Variants in NME8 observed in about 807,000 individuals in gnomAD.
NME8 encodes protein NME8.
NME8 carries 72 observed loss-of-function variants against 82.3 expected under a neutral mutation model. The ratio of observed to expected loss-of-function variants is 0.87; its 90% CI spans 0.72 to 1.06. The LOEUF (loss-of-function observed/expected upper bound fraction) is 1.06. NME8 is among the 50% of genes least tolerant of loss of function. NME8 has a pLI of 0.00. For missense variants in NME8, 712 were observed against 685.4 expected (o/e 1.04, Z -0.43); for synonymous variants, 267 against 228.5 (o/e 1.17, Z -1.52).
intron 11 of NME8, among the ~76,000 whole-genome samples, chr7:37,870,081 C>T (rs1440354055): frequency 6.6e-6 from 1 of 152,096 alleles, no homozygotes; most frequent in East Asian, 1.9e-4. Context: ...TCATCCTTTA[C>T]TGTCCTTCAA....
At chr7:37,865,659 A>G (rs1268887718) in intron 10 of NME8, 42 bp downstream of exon 10, 4 of 1,308,606 alleles carry the variant, frequency 3.1e-6, no homozygotes, top group South Asian at 1.2e-5. Context: ...GTGTTTAAAT[A>G]CAGTGGCCTC....
rs759844751 is a variant in NME8 at position 37,865,655 on chromosome 7, A to G, written c.621+38A>G. 6 of 1,344,340 alleles carry G rather than the reference A, an allele frequency of 4.5e-6. No homozygotes were observed. In the East Asian group the frequency reaches 1.4e-4, roughly 31 times the overall value. 83.3% of individuals were successfully genotyped at this position (1,344,340 alleles called of 1,614,324 possible). On this transcript the variant is annotated intron_variant, in intron 10 of 17. Transcript: ENST00000199447. ...AAAAGAAAAAATCCTCTATGTGTTT[A>G]AATACAGTGGCCTCCATAAGCTTTA...
intron 5 of NME8, among the ~76,000 whole-genome samples, chr7:37,854,199 T>C (rs567900148): frequency 1.3e-5 from 2 of 152,266 alleles, no homozygotes; most frequent in African/African-American, 4.8e-5. Flanking sequence ...TATACTATAT[T>C]CTTGCAATAA....
intron 10 of NME8, among the ~76,000 whole-genome samples, chr7:37,867,425 A>G (rs1393376186): frequency 6.6e-6 from 1 of 152,054 alleles, no homozygotes; most frequent in African/African-American, 2.4e-5. Context: ...TATTTTTCTA[A>G]GGATACAAAT....
At chr7:37,873,726 C>G (rs752740429) in intron 11 of NME8, among the ~76,000 whole-genome samples, 7 of 152,124 alleles carry the variant, frequency 4.6e-5, no homozygotes, top group Non-Finnish European at 8.8e-5. Context: ...ATGTAGAGCA[C>G]CATGTACAGC....
chr7:37,855,828 C>T (rs1784504059), intron 5 of NME8, among the ~76,000 whole-genome samples: 1 of 152,052 alleles, frequency 6.6e-6, no homozygotes, highest in Non-Finnish European at 1.5e-5. Flanking sequence ...TAATCCTGCA[C>T]CTGCATAAAA....
chr7:37,880,812 G>C (rs572745138), intron 12 of NME8, among the ~76,000 whole-genome samples: 11 of 150,804 alleles, frequency 7.3e-5, no homozygotes, highest in Non-Finnish European at 1.6e-4. Flanking sequence ...ATTTTTTTTC[G>C]CCAGAGTTTT....
chr7:37,850,855 T>G, intron 5 of NME8, 120 bp downstream of exon 5: 1 of 707,816 alleles, frequency 1.4e-6, no homozygotes, highest in Non-Finnish European at 2.5e-6. Context: ...AAATAGATAG[T>G]CTTTACTTGG....
At chr7:37,892,602 C>T (rs1241391979) in intron 15 of NME8, among the ~76,000 whole-genome samples, 1 of 151,914 alleles carries the variant, frequency 6.6e-6, no homozygotes, top group Non-Finnish European at 1.5e-5. Flanking sequence ...ATTGACTTCT[C>T]TTTCTTTATT....
intron 15 of NME8, among the ~76,000 whole-genome samples, chr7:37,891,916 T>C (rs1396994183): frequency 6.6e-6 from 1 of 151,294 alleles, no homozygotes; most frequent in Non-Finnish European, 1.5e-5. Context: ...ATCTACTTTC[T>C]TATTTCTTGA....
chr7:37,882,787 G>A (rs1784984065), intron 12 of NME8, among the ~76,000 whole-genome samples: 1 of 152,156 alleles, frequency 6.6e-6, no homozygotes, highest in Non-Finnish European at 1.5e-5. Context: ...AATTCTGTGT[G>A]TCTTCATACC....
chr7:37,870,854 C>A (rs1784757277), intron 11 of NME8, among the ~76,000 whole-genome samples: 1 of 152,136 alleles, frequency 6.6e-6, no homozygotes, highest in African/African-American at 2.4e-5. Flanking sequence ...GGGAAGCTTT[C>A]CCCTGACTTC....
At chr7:37,898,362 A>C (rs1019649984) in intron 17 of NME8, among the ~76,000 whole-genome samples, 3 of 152,182 alleles carry the variant, frequency 2.0e-5, no homozygotes, top group Non-Finnish European at 4.4e-5. Context: ...CATCAGTTCT[A>C]TTCCTAGGTG....
At chr7:37,881,711 A>G (rs1784948365) in intron 12 of NME8, among the ~76,000 whole-genome samples, 1 of 152,212 alleles carries the variant, frequency 6.6e-6, no homozygotes, top group South Asian at 2.1e-4. Flanking sequence ...AAAAAAATAA[A>G]TTGTTTCCAG....
intron 15 of NME8, 106 bp downstream of exon 15, chr7:37,888,534 A>G: frequency 3.6e-6 from 4 of 1,119,526 alleles, no homozygotes; most frequent in Non-Finnish European, 5.2e-6. Context: ...AAAATTCCAA[A>G]AAAGAAAAGT....
intron 10 of NME8, among the ~76,000 whole-genome samples, chr7:37,867,482 A>G (rs1281182078): frequency 2.6e-5 from 4 of 152,124 alleles, no homozygotes; most frequent in Non-Finnish European, 5.9e-5. Flanking sequence ...AAACATCACT[A>G]TGTCCCCCAT....
chr7:37,872,623 A>G lies in NME8; in HGVS notation c.819-4209A>G, dbSNP rs115849276. 7.8e-3 allele frequency among the ~76,000 whole-genome samples: 1,186 copies of G among 152,360 alleles called. 14 individuals carry two copies. The highest frequency in any genetic ancestry group is 0.027 in the African/African-American group (1,112 of 41,582). On this transcript the variant is annotated intron_variant, in intron 11 of 17. Transcript: ENST00000199447. ...GGTATGATCATCATTTGAGACTCAAATTAATGACATGGAAAGTCAGATGCA... is the reference window on the plus strand; with the variant it reads ...GGTATGATCATCATTTGAGACTCAAGTTAATGACATGGAAAGTCAGATGCA...
chr7:37,859,181 G>A (rs777935672), intron 6 of NME8, among the ~76,000 whole-genome samples: 3 of 152,104 alleles, frequency 2.0e-5, no homozygotes, highest in Non-Finnish European at 4.4e-5. Flanking sequence ...CACCCCGACC[G>A]CTAGTCCAGT....
chr7:37,889,755 C>T (rs2131971623), intron 15 of NME8, among the ~76,000 whole-genome samples: 1 of 151,976 alleles, frequency 6.6e-6, no homozygotes, highest in Non-Finnish European at 1.5e-5. Flanking sequence ...GAAGATTCTA[C>T]ATGTATGAGG....
Sources: allele counts gnomAD v4.1 joint callset (sites outside exome capture counted in the v4.1 genomes callset), GRCh38; gene constraint gnomAD v4.1.1; transcripts MANE v1.5; gene names NCBI Gene and HGNC (gene_info 2026-07-23, HGNC 2026-07-21).